Variants in KIAA1671 observed in about 807,000 individuals in gnomAD.
KIAA1671 encodes the protein uncharacterized protein KIAA1671.
Under a neutral mutation model 131.2 loss-of-function variants are expected in KIAA1671, and 52 were observed. That is an observed-to-expected ratio of 0.40 (90% CI 0.32 to 0.50). The LOEUF (loss-of-function observed/expected upper bound fraction) is 0.50. KIAA1671 is among the 20% of genes least tolerant of loss of function. The pLI, the probability that KIAA1671 is intolerant of heterozygous loss-of-function variation, is 0.73. For missense variants in KIAA1671, 2,360 were observed against 2,364.2 expected, an observed-to-expected ratio of 1.00 and a Z score of 0.04; for synonymous variants, 1,003 against 961.6, an observed-to-expected ratio of 1.04 and a Z score of -0.80.
At chr22:25,185,882 G>A (rs1484699539) in intron 11 of KIAA1671, 1 of 152,196 alleles carries the variant, frequency 6.6e-6, no homozygotes, top group Non-Finnish European at 1.5e-5. Context: ...CTGAGCCCTG[G>A]GATGTAGAAG....
chr22:25,175,446 C>T (rs1264051758), intron 8 of KIAA1671: 1 of 152,202 alleles, frequency 6.6e-6, no homozygotes, highest in Non-Finnish European at 1.5e-5. Context: ...GCCAAGGTCT[C>T]TCGCTGGCAC....
chr22:25,156,044 T>C (rs547537192), intron 6 of KIAA1671, among the ~76,000 whole-genome samples: 32 of 109,106 alleles, frequency 2.9e-4, no homozygotes, highest in African/African-American at 1.0e-3. Context: ...TTTTTTGAGA[T>C]GGAGTCTTGC....
intron 1 of KIAA1671, among the ~76,000 whole-genome samples, chr22:24,990,492 C>T (rs1032901824): frequency 6.6e-6 from 1 of 152,238 alleles, no homozygotes; most frequent in African/African-American, 2.4e-5. Context: ...TTCCCTGGCC[C>T]CACACACACC....
intron 6 of KIAA1671, among the ~76,000 whole-genome samples, chr22:25,147,294 G>A (rs1601356209): frequency 6.6e-6 from 1 of 152,094 alleles, no homozygotes; most frequent in East Asian, 1.9e-4. Context: ...CCAGGTTCAA[G>A]TGATTCTCCT....
At chr22:25,092,369 T>C (rs1473943137) in intron 6 of KIAA1671, among the ~76,000 whole-genome samples, 1 of 152,168 alleles carries the variant, frequency 6.6e-6, no homozygotes, top group Non-Finnish European at 1.5e-5. Flanking sequence ...CTGAGACAGG[T>C]TGAGGCATAG....
chr22:25,046,598 C>A (rs1036969793), intron 5 of KIAA1671, among the ~76,000 whole-genome samples: 23 of 152,182 alleles, frequency 1.5e-4, no homozygotes, highest in Non-Finnish European at 2.9e-4. Context: ...TCCCCTGATA[C>A]CTGCCATGCT....
At chr22:25,147,558 G>A (rs762516755) in intron 6 of KIAA1671, among the ~76,000 whole-genome samples, 5 of 152,062 alleles carry the variant, frequency 3.3e-5, no homozygotes, top group East Asian at 3.9e-4. Flanking sequence ...CCTCCCCCTG[G>A]GATGCCTTCC....
chr22:25,165,781 A>G (rs1933623345), intron 6 of KIAA1671, among the ~76,000 whole-genome samples: 1 of 151,470 alleles, frequency 6.6e-6, no homozygotes, highest in Non-Finnish European at 1.5e-5. Flanking sequence ...TGAAATCTGA[A>G]TGGTAACTTG....
At chr22:24,981,661 C>T (rs771366193) in intron 1 of KIAA1671, among the ~76,000 whole-genome samples, 2 of 152,184 alleles carry the variant, frequency 1.3e-5, no homozygotes, top group African/African-American at 4.8e-5. Context: ...GTAATCCCAG[C>T]GCTTTGGGAG....
At chr22:25,120,744 A>G (rs1398853946) in intron 6 of KIAA1671, among the ~76,000 whole-genome samples, 1 of 152,088 alleles carries the variant, frequency 6.6e-6, no homozygotes, top group Non-Finnish European at 1.5e-5. Context: ...AAAATTGCCA[A>G]CCCTCTTTCT....
At chr22:25,016,914 C>G (rs1466873694) in intron 1 of KIAA1671, among the ~76,000 whole-genome samples, 2 of 152,326 alleles carry the variant, frequency 1.3e-5, no homozygotes, top group African/African-American at 4.8e-5. Context: ...AGAGGTGCTG[C>G]CCCTCGCAGA....
At chr22:25,047,467 C>CTTTTTTTTT (rs1198576836) in intron 5 of KIAA1671, among the ~76,000 whole-genome samples, 1 of 120,460 alleles carries the variant, frequency 8.3e-6, no homozygotes. Context: ...GCCTCTTTTC[C>CTTTTTTTTT]TTTTTTTTTT....
chr22:25,067,708 C>T lies in KIAA1671; in HGVS notation c.4530+18344C>T, dbSNP rs192528947. ...TGCCTCCTTCCAGCCCCTTTCTCTC[C>T]GGGCATTTCTCTGTCCTGGGCTGAT... On this transcript the variant is annotated intron_variant, in intron 6 of 12. Coordinates refer to ENST00000358431, the MANE Select transcript of KIAA1671 (RefSeq NM_001145206.2). 1.5e-4 allele frequency among the ~76,000 whole-genome samples: 23 copies of T among 152,292 alleles called. No homozygotes were observed. The East Asian group carries it at 2.7e-3, about 18-fold the overall frequency.
chr22:24,998,966 A>C (rs898605202), intron 1 of KIAA1671, among the ~76,000 whole-genome samples: 1 of 152,056 alleles, frequency 6.6e-6, no homozygotes, highest in African/African-American at 2.4e-5. Context: ...GGAAACTGTT[A>C]TGAGCATTCA....
intron 5 of KIAA1671, among the ~76,000 whole-genome samples, chr22:25,046,129 C>A (rs1015292742): frequency 6.6e-6 from 1 of 151,852 alleles, no homozygotes; most frequent in African/African-American, 2.4e-5. Context: ...TGGTGAAACT[C>A]CATCTCTACT....
intron 6 of KIAA1671, among the ~76,000 whole-genome samples, chr22:25,139,504 A>G (rs563205173): frequency 4.6e-5 from 7 of 152,340 alleles, no homozygotes; most frequent in African/African-American, 1.4e-4. Flanking sequence ...TCCAGTTGTC[A>G]AAGATGTGGT....
At chr22:24,981,042 C>T (rs568618583) in intron 1 of KIAA1671, among the ~76,000 whole-genome samples, 4 of 150,596 alleles carry the variant, frequency 2.7e-5, no homozygotes, top group African/African-American at 4.9e-5. Context: ...CCACCATGCC[C>T]GGCCAACACT....
At chr22:25,069,823 C>T (rs1386504809) in intron 6 of KIAA1671, 1 of 152,296 alleles carries the variant, frequency 6.6e-6, no homozygotes, top group Admixed American at 6.5e-5. Context: ...GAGGAGGAAC[C>T]ACATACATTT....
intron 9 of KIAA1671, chr22:25,179,601 C>A: frequency 8.5e-7 from 1 of 1,171,660 alleles, no homozygotes. Context: ...GCGTTGGCCT[C>A]CAGGGTGGCA....
Sources: allele counts gnomAD v4.1 joint callset (sites outside exome capture counted in the v4.1 genomes callset), GRCh38; gene constraint gnomAD v4.1.1; transcripts MANE v1.5; gene names NCBI Gene and HGNC (gene_info 2026-07-23, HGNC 2026-07-21).